Variants in SNX29 observed in about 807,000 individuals in gnomAD.
SNX29 encodes the protein sorting nexin 29, also known as sorting nexin-29.
In SNX29, 78 loss-of-function variants were observed where a neutral mutation model predicts 102.1. The ratio of observed to expected loss-of-function variants is 0.76; its 90% confidence interval spans 0.64 to 0.92. The LOEUF (loss-of-function observed/expected upper bound fraction) is 0.92. SNX29 is among the 40% of genes least tolerant of loss of function. The pLI is 0.00. For missense variants in SNX29, 1,280 were observed against 1,061.7 expected, an observed-to-expected ratio of 1.21 and a Z score of -2.86; for synonymous variants, 580 against 414.5, an observed-to-expected ratio of 1.40 and a Z score of -4.85.
intron 14 of SNX29, among the ~76,000 whole-genome samples, chr16:12,277,309 A>G (rs964071665): frequency 4.6e-5 from 7 of 152,104 alleles, no homozygotes; most frequent in Admixed American, 1.3e-4. Flanking sequence ...CTGAGGCAGG[A>G]GGATCGTTTG....
At chr16:12,261,655 C>T (rs532681421) in intron 14 of SNX29, among the ~76,000 whole-genome samples, 6 of 135,918 alleles carry the variant, frequency 4.4e-5, no homozygotes, top group African/African-American at 1.7e-4. Flanking sequence ...GGTTCCTGAG[C>T]TCGGGTCTGC....
intron 4 of SNX29, among the ~76,000 whole-genome samples, chr16:12,033,311 C>T (rs996882417): frequency 6.6e-5 from 10 of 151,914 alleles, no homozygotes; most frequent in African/African-American, 2.4e-4. Context: ...CTATCTTGCC[C>T]AGGCTGGTCT....
intron 15 of SNX29, among the ~76,000 whole-genome samples, chr16:12,285,260 C>A (rs2151038361): frequency 6.6e-6 from 1 of 152,202 alleles, no homozygotes; most frequent in Non-Finnish European, 1.5e-5. Flanking sequence ...CCAGCTCTTG[C>A]TTGCCGGCAC....
At chr16:12,029,876 G>C (rs1195513936) in intron 4 of SNX29, 1 of 329,898 alleles carries the variant, frequency 3.0e-6, no homozygotes, top group South Asian at 2.4e-5. Context: ...ACAGGCATGA[G>C]CCACCACGCC....
intron 15 of SNX29, among the ~76,000 whole-genome samples, chr16:12,281,009 C>T (rs562185628): frequency 9.9e-5 from 15 of 152,280 alleles, no homozygotes; most frequent in Admixed American, 2.6e-4. Flanking sequence ...CCCGGCTCAA[C>T]GGATCTTCCT....
chr16:12,234,684 T>C (rs1379947666), intron 14 of SNX29, among the ~76,000 whole-genome samples: 1 of 152,226 alleles, frequency 6.6e-6, no homozygotes, highest in Non-Finnish European at 1.5e-5. Context: ...ATGTTAGAGC[T>C]GAGATGCTGT....
rs1197443430 is a variant in SNX29 at position 12,481,115 on chromosome 16, T to A, written c.2178+3256T>A. Among the ~76,000 whole-genome samples the A allele has an allele frequency of 4.6e-5, 7 of 151,980 alleles. 1 individual carries two copies. Among genetic ancestry groups the A allele is most frequent in the South Asian group, 4.2e-4 (2 of 4,818 alleles). On this transcript the variant is annotated intron_variant, in intron 19 of 20. Transcript: ENST00000566228. ...GTGTCAGCCAAGCAATGTGCTTTTA[T>A]CCCCCCAACATAACCCTATTTGCAA...
At chr16:12,555,954 G>A (rs1045120919) in intron 20 of SNX29, among the ~76,000 whole-genome samples, 2 of 151,978 alleles carry the variant, frequency 1.3e-5, no homozygotes, top group African/African-American at 4.8e-5. Flanking sequence ...ACACCAACTT[G>A]TAACACCATC....
intron 11 of SNX29, among the ~76,000 whole-genome samples, chr16:12,106,440 A>C (rs1045037798): frequency 6.6e-6 from 1 of 151,866 alleles, no homozygotes; most frequent in Non-Finnish European, 1.5e-5. Context: ...CAGAGCGGAG[A>C]TAAGGCCCCC....
intron 15 of SNX29, among the ~76,000 whole-genome samples, chr16:12,326,156 G>A (rs1293792669): frequency 2.6e-5 from 4 of 151,766 alleles, no homozygotes; most frequent in Admixed American, 6.5e-5. Flanking sequence ...CTACATGCAC[G>A]TGCCACCACG....
intron 3 of SNX29, among the ~76,000 whole-genome samples, chr16:12,019,498 C>T (rs959171357): frequency 1.4e-4 from 22 of 151,888 alleles, no homozygotes; most frequent in African/African-American, 5.3e-4. Context: ...AGCCACCGCG[C>T]CTGGCAACTA....
At chr16:12,366,042 C>CAAAAAAAAA (rs55895030) in intron 16 of SNX29, among the ~76,000 whole-genome samples, 4 of 72,438 alleles carry the variant, frequency 5.5e-5, no homozygotes, top group African/African-American at 1.3e-4. Flanking sequence ...ACTCTTGTCT[C>CAAAAAAAAA]AAAAAAAAAA....
chr16:12,054,062 G>A (rs1277689693), intron 8 of SNX29, among the ~76,000 whole-genome samples: 1 of 151,898 alleles, frequency 6.6e-6, no homozygotes, highest in Non-Finnish European at 1.5e-5. Context: ...CCGCCTCCCG[G>A]GTTCATGCCA....
At chr16:12,155,670 A>G (rs2055516330) in intron 13 of SNX29, among the ~76,000 whole-genome samples, 1 of 152,200 alleles carries the variant, frequency 6.6e-6, no homozygotes, top group South Asian at 2.1e-4. Flanking sequence ...GGGTGGTGGC[A>G]TGCCGAGATG....
Position 12,048,401 on chromosome 16 carries a change from A to T in SNX29, c.529A>T (p.Ile177Phe). The T allele has an allele frequency of 6.2e-7, 1 of 1,613,738 alleles. No individual in the cohort carries two copies. The highest frequency in any genetic ancestry group is 8.5e-7 in the Non-Finnish European group (1 of 1,179,824). Residue 177 changes from isoleucine to phenylalanine, a missense_variant, in exon 7 of 21, where the codon ATC becomes TTC. Ile to Phe is a conservative substitution (Grantham distance 21). Coordinates refer to ENST00000566228, the MANE Select transcript of SNX29 (RefSeq NM_032167.5). Reference protein sequence around the residue: ...GLNSILFAINIDNKDLNGQSK... With the variant: ...GLNSILFAINFDNKDLNGQSK... The stretch of plus-strand genomic sequence containing the variant: ...GAACTCCATACTCTTTGCGATTAAC[A>T]TCGACAACAAGGATTTGAACGGGCA...
At chr16:12,010,060 C>T (rs1224529130) in intron 3 of SNX29, among the ~76,000 whole-genome samples, 1 of 152,180 alleles carries the variant, frequency 6.6e-6, no homozygotes, top group Non-Finnish European at 1.5e-5. Context: ...AAGTTTCTTT[C>T]TTGCACCTCA....
chr16:12,299,239 G>A (rs546315670), intron 15 of SNX29, among the ~76,000 whole-genome samples: 1 of 152,138 alleles, frequency 6.6e-6, no homozygotes, highest in Non-Finnish European at 1.5e-5. Context: ...GACGGAGGTT[G>A]CAGTGAGCTG....
intron 11 of SNX29, among the ~76,000 whole-genome samples, chr16:12,110,605 G>T (rs560828843): frequency 6.6e-6 from 1 of 152,134 alleles, no homozygotes; most frequent in African/African-American, 2.4e-5. Flanking sequence ...TTAGTGGTTG[G>T]GCTTGCGGTG....
chr16:12,249,380 C>A (rs540988989), intron 14 of SNX29, among the ~76,000 whole-genome samples: 1 of 152,342 alleles, frequency 6.6e-6, no homozygotes, highest in South Asian at 2.1e-4. Flanking sequence ...TCCTGAAAGA[C>A]AAGCCCACGT....
Sources: gnomAD v4.1 joint callset for allele counts (sites outside exome capture counted in the v4.1 genomes callset) on GRCh38, gnomAD v4.1.1 for gene constraint, MANE v1.5 for transcripts, NCBI Gene and HGNC (gene_info 2026-07-23, HGNC 2026-07-21) for gene names.